CEP112: variants seen among roughly 807,000 people sequenced by gnomAD.
CEP112 encodes the protein centrosomal protein 112.
CEP112 carries 127 observed loss-of-function variants against 153.0 expected under a neutral mutation model. The observed-to-expected ratio is 0.83, with a 90% CI of 0.72 to 0.96. CEP112 has a LOEUF of 0.96. Among genes scored for constraint, CEP112 ranks in the 40% least tolerant of loss-of-function variants. CEP112 has a pLI of 0.00. For synonymous variants in CEP112, 358 were observed against 374.4 expected (o/e 0.96, Z 0.51); for missense variants, 1,089 against 1,101.2 (o/e 0.99, Z 0.16).
chr17:65,969,741 CACT>C (rs1212251306), intron 17 of CEP112, among the ~76,000 whole-genome samples: 1 of 152,162 alleles, frequency 6.6e-6, no homozygotes, highest in Non-Finnish European at 1.5e-5. Context: ...TGCATGCATA[CACT>C]ACACGAATGC....
chr17:65,957,576 T>C (rs2062044555), intron 18 of CEP112, among the ~76,000 whole-genome samples: 1 of 152,150 alleles, frequency 6.6e-6, no homozygotes, highest in Admixed American at 6.5e-5. Context: ...ACTTTTGTGT[T>C]AACTTTATTT....
chr17:66,075,091 A>C (rs1349900280), intron 8 of CEP112, among the ~76,000 whole-genome samples: 1 of 152,134 alleles, frequency 6.6e-6, no homozygotes, highest in Admixed American at 6.5e-5. Flanking sequence ...GAAAACTTAG[A>C]AACTCTGAAA....
chr17:65,926,447 T>C (rs1479424344), intron 19 of CEP112, among the ~76,000 whole-genome samples: 1 of 152,170 alleles, frequency 6.6e-6, no homozygotes, highest in African/African-American at 2.4e-5. Flanking sequence ...GTGTGGTGGC[T>C]CACACCTGTA....
chr17:65,921,519 TTCATCTTTCCTTAG>T (rs2060727330), intron 19 of CEP112, among the ~76,000 whole-genome samples: 1 of 152,110 alleles, frequency 6.6e-6, no homozygotes, highest in South Asian at 2.1e-4. Flanking sequence ...TACTCCTGCC[TTCATCTTTCCTTAG>T]TGAACTACCA....
At chr17:65,793,057 G>A (rs927897231) in intron 21 of CEP112, among the ~76,000 whole-genome samples, 2 of 152,048 alleles carry the variant, frequency 1.3e-5, no homozygotes, top group African/African-American at 2.4e-5. Context: ...GGTGGGGGGC[G>A]AGGGAGGGGG....
chr17:65,717,082 T>A (rs543818611), intron 23 of CEP112, among the ~76,000 whole-genome samples: 1 of 152,374 alleles, frequency 6.6e-6, no homozygotes, highest in South Asian at 2.1e-4. Flanking sequence ...AAATTTCTAT[T>A]TACATGTTCC....
intron 11 of CEP112, among the ~76,000 whole-genome samples, chr17:66,057,971 T>C (rs2066764737): frequency 6.6e-6 from 1 of 152,078 alleles, no homozygotes; most frequent in African/African-American, 2.4e-5. Context: ...GCCACACCTG[T>C]TATTCCAGCT....
chr17:65,645,238 A>G (rs972811948), intron 24 of CEP112, among the ~76,000 whole-genome samples: 15 of 151,512 alleles, frequency 9.9e-5, no homozygotes, highest in Non-Finnish European at 1.3e-4. Context: ...TTTTATTTTC[A>G]TATCATTTTA....
chr17:65,706,276 G>A (rs1279067985), intron 23 of CEP112, among the ~76,000 whole-genome samples: 2 of 152,168 alleles, frequency 1.3e-5, no homozygotes, highest in African/African-American at 4.8e-5. Context: ...GGTGGAAAGG[G>A]GAAAGAATTG....
At chr17:66,173,581 C>G (rs1462236527) in intron 4 of CEP112, among the ~76,000 whole-genome samples, 1 of 152,118 alleles carries the variant, frequency 6.6e-6, no homozygotes, top group African/African-American at 2.4e-5. Flanking sequence ...CAGAATTTAG[C>G]TGGACTCTTA....
At chr17:66,121,107 C>T (rs376522885) in intron 6 of CEP112, among the ~76,000 whole-genome samples, 3 of 152,132 alleles carry the variant, frequency 2.0e-5, no homozygotes, top group East Asian at 3.9e-4. Context: ...GGAGAAACCC[C>T]GTCTCTACTA....
At chr17:66,047,459 A>C (rs1406936727) in intron 12 of CEP112, among the ~76,000 whole-genome samples, 1 of 152,208 alleles carries the variant, frequency 6.6e-6, no homozygotes, top group Non-Finnish European at 1.5e-5. Flanking sequence ...AAAATGTAGA[A>C]GAACGGACAT....
At chr17:65,835,412 T>C (rs956292296) in intron 21 of CEP112, among the ~76,000 whole-genome samples, 1 of 151,946 alleles carries the variant, frequency 6.6e-6, no homozygotes, top group African/African-American at 2.4e-5. Flanking sequence ...ACTAATCAAA[T>C]TAGCAAAAAT....
chr17:65,638,648 T>C (rs1246303638), intron 25 of CEP112, among the ~76,000 whole-genome samples: 1 of 152,062 alleles, frequency 6.6e-6, no homozygotes, highest in East Asian at 1.9e-4. Context: ...TCAACTTCCC[T>C]CCCCCAACCA....
intron 21 of CEP112, among the ~76,000 whole-genome samples, chr17:65,832,058 C>T (rs906356373): frequency 7.2e-5 from 11 of 152,112 alleles, no homozygotes; most frequent in Admixed American, 5.9e-4. Flanking sequence ...CATGTAATTA[C>T]ATGGAAATTA....
chr17:65,660,464 T>C (rs1175864772), intron 24 of CEP112, among the ~76,000 whole-genome samples: 1 of 2,914 alleles, frequency 3.4e-4, no homozygotes, highest in Non-Finnish European at 4.5e-4. Context: ...CTCTCTCTCC[T>C]TCCTTCCTTC....
At chr17:66,149,808 C>T (rs1191658699) in intron 4 of CEP112, among the ~76,000 whole-genome samples, 1 of 148,432 alleles carries the variant, frequency 6.7e-6, no homozygotes, top group Non-Finnish European at 1.5e-5. Context: ...TATTTCCTTC[C>T]TTCTGTTAGC....
intron 17 of CEP112, among the ~76,000 whole-genome samples, chr17:65,981,759 G>A (rs1320983367): frequency 6.6e-6 from 1 of 152,122 alleles, no homozygotes; most frequent in African/African-American, 2.4e-5. Flanking sequence ...ATTTTTAGTA[G>A]AGACGGGGTT....
chr17:66,150,883 TAC>T (rs982904815), intron 4 of CEP112, among the ~76,000 whole-genome samples: 5 of 152,242 alleles, frequency 3.3e-5, no homozygotes, highest in Non-Finnish European at 7.3e-5. Flanking sequence ...GTTTGCTAAA[TAC>T]ACATTTATAA....
Sources: allele counts gnomAD v4.1 joint callset (sites outside exome capture counted in the v4.1 genomes callset), GRCh38; gene constraint gnomAD v4.1.1; transcripts MANE v1.5; gene names NCBI Gene and HGNC (gene_info 2026-07-23, HGNC 2026-07-21).